SLC35F1: variants seen among roughly 807,000 people sequenced by gnomAD.
The protein encoded by SLC35F1 is solute carrier family 35 member F1, also known as chromosome 6 open reading frame 169.
SLC35F1 carries 14 observed loss-of-function variants against 48.7 expected under a neutral mutation model. The observed-to-expected ratio is 0.29, with a 90% CI of 0.19 to 0.45. The LOEUF is 0.45. Among genes scored for constraint, SLC35F1 ranks in the 20% least tolerant of loss-of-function variants. SLC35F1 has a pLI of 1.00. For missense variants in SLC35F1, 404 were observed against 500.0 expected, an observed-to-expected ratio of 0.81 and a Z score of 1.83; for synonymous variants, 190 against 202.2, an observed-to-expected ratio of 0.94 and a Z score of 0.51.
At chr6:118,088,369 G>A (rs984516743) in intron 1 of SLC35F1, among the ~76,000 whole-genome samples, 3 of 152,170 alleles carry the variant, frequency 2.0e-5, no homozygotes, top group Admixed American at 6.5e-5. Flanking sequence ...GTGGGTCACA[G>A]GGTTGCTCTC....
chr6:118,234,325 A>C (rs1471613302), intron 2 of SLC35F1, among the ~76,000 whole-genome samples: 2 of 152,146 alleles, frequency 1.3e-5, no homozygotes, highest in Non-Finnish European at 2.9e-5. Context: ...CACTTTTGAG[A>C]TTAGGTTATA....
At chr6:118,028,128 C>A (rs1300793316) in intron 1 of SLC35F1, among the ~76,000 whole-genome samples, 8 of 152,036 alleles carry the variant, frequency 5.3e-5, no homozygotes, top group Admixed American at 1.3e-4. Flanking sequence ...AAAATAGATA[C>A]CTGAATTTTT....
intron 2 of SLC35F1, among the ~76,000 whole-genome samples, chr6:118,214,309 T>G (rs1385058194): frequency 1.3e-5 from 2 of 152,204 alleles, no homozygotes; most frequent in African/African-American, 4.8e-5. Flanking sequence ...AGTCTTATGA[T>G]ATGAAATTGT....
intron 1 of SLC35F1, among the ~76,000 whole-genome samples, chr6:117,937,643 C>A (rs1352705073): frequency 6.6e-6 from 1 of 152,082 alleles, no homozygotes; most frequent in Non-Finnish European, 1.5e-5. Context: ...GTCTCAACAT[C>A]TATGATGTAA....
chr6:118,255,949 A>G (rs1053076624), intron 3 of SLC35F1, among the ~76,000 whole-genome samples: 29 of 152,086 alleles, frequency 1.9e-4, no homozygotes, highest in Non-Finnish European at 3.2e-4. Flanking sequence ...CGCTGTGAAT[A>G]ACATAGCTCT....
At chr6:118,245,390 G>T (rs1433557623) in intron 3 of SLC35F1, among the ~76,000 whole-genome samples, 3 of 152,158 alleles carry the variant, frequency 2.0e-5, no homozygotes, top group Admixed American at 2.0e-4. Flanking sequence ...TTTCCAGGAG[G>T]TTTGTGTGAC....
chr6:118,114,064 G>A (rs1344866083), intron 1 of SLC35F1, among the ~76,000 whole-genome samples: 2 of 152,084 alleles, frequency 1.3e-5, no homozygotes, highest in Non-Finnish European at 2.9e-5. Flanking sequence ...TATATGCATT[G>A]TATCATTTAG....
intron 1 of SLC35F1, among the ~76,000 whole-genome samples, chr6:117,966,153 C>CCT (rs1562250393): frequency 5.2e-4 from 70 of 134,814 alleles, no homozygotes; most frequent in African/African-American, 6.7e-4. Context: ...ACTCCCGCCC[C>CCT]GCCCCAAGCA....
rs562740944 is a variant in SLC35F1 at position 118,149,674 on chromosome 6, G to A, written c.174-4771G>A. Among the ~76,000 whole-genome samples, 10 of 152,200 alleles carry A rather than the reference G, an allele frequency of 6.6e-5. 1 individual carries two copies. Among genetic ancestry groups the A allele is most frequent in the East Asian group, 5.8e-4 (3 of 5,186 alleles). On this transcript the variant is annotated intron_variant, in intron 1 of 7. Coordinates refer to ENST00000360388, the MANE Select transcript of SLC35F1 (RefSeq NM_001029858.4). ...TACATGTCGTGCTCATTAGCATGAC[G>A]AATAAAACCATAATTTGTATTCTCC...
chr6:118,054,339 G>A (rs554374366), intron 1 of SLC35F1, among the ~76,000 whole-genome samples: 2 of 152,242 alleles, frequency 1.3e-5, no homozygotes, highest in South Asian at 4.1e-4. Flanking sequence ...TGCTATAAAT[G>A]TCTGTCCATT....
At chr6:118,281,759 A>G (rs1011190884) in intron 6 of SLC35F1, among the ~76,000 whole-genome samples, 4 of 152,158 alleles carry the variant, frequency 2.6e-5, no homozygotes, top group African/African-American at 7.2e-5. Flanking sequence ...CCCATCACCC[A>G]TTTGAACACC....
At chr6:118,075,247 C>T (rs1474013858) in intron 1 of SLC35F1, among the ~76,000 whole-genome samples, 2 of 152,124 alleles carry the variant, frequency 1.3e-5, no homozygotes, top group African/African-American at 2.4e-5. Flanking sequence ...TTTAATTATA[C>T]TTTGGAGGAT....
chr6:117,945,272 T>C (rs796865032), intron 1 of SLC35F1, among the ~76,000 whole-genome samples: 1 of 152,302 alleles, frequency 6.6e-6, no homozygotes, highest in Non-Finnish European at 1.5e-5. Flanking sequence ...TTAAGTCACT[T>C]AGAGATGAAG....
At chr6:118,014,990 T>A (rs1777300320) in intron 1 of SLC35F1, among the ~76,000 whole-genome samples, 1 of 152,184 alleles carries the variant, frequency 6.6e-6, no homozygotes, top group Non-Finnish European at 1.5e-5. Flanking sequence ...TAAAGATAAT[T>A]GAATCACAGG....
At chr6:117,924,506 G>A (rs1359044) in intron 1 of SLC35F1, among the ~76,000 whole-genome samples, 2,229 of 17,782 alleles carry the variant, frequency 0.13, 106 homozygotes, top group South Asian at 0.29. Context: ...ATGTATATAC[G>A]TATATACATA....
At chr6:117,919,069 A>AT (rs1051052042) in intron 1 of SLC35F1, among the ~76,000 whole-genome samples, 5 of 150,706 alleles carry the variant, frequency 3.3e-5, no homozygotes, top group African/African-American at 7.3e-5. Flanking sequence ...CTAATTTTTA[A>AT]TTTTTTTTTG....
chr6:118,200,076 A>G (rs1460487134), intron 2 of SLC35F1, among the ~76,000 whole-genome samples: 1 of 152,122 alleles, frequency 6.6e-6, no homozygotes, highest in Non-Finnish European at 1.5e-5. Flanking sequence ...ACATAGTACC[A>G]AATTGCCCTT....
intron 3 of SLC35F1, 148 bp downstream of exon 3, chr6:118,235,784 A>C (rs943369312): frequency 5.6e-5 from 38 of 673,866 alleles, no homozygotes; most frequent in Non-Finnish European, 7.7e-5. Context: ...TCTGTATACT[A>C]TAAGTCTATG....
chr6:118,269,471 A>G (rs1775822701), intron 4 of SLC35F1, among the ~76,000 whole-genome samples: 1 of 152,224 alleles, frequency 6.6e-6, no homozygotes, highest in Non-Finnish European at 1.5e-5. Flanking sequence ...CTCATTTTAT[A>G]AAATTATGAT....
Sources: allele counts gnomAD v4.1 joint callset (sites outside exome capture counted in the v4.1 genomes callset), GRCh38; gene constraint gnomAD v4.1.1; transcripts MANE v1.5; gene names NCBI Gene and HGNC (gene_info 2026-07-23, HGNC 2026-07-21).